Variants in FCHSD2 observed in about 807,000 individuals in gnomAD.
FCHSD2 encodes F-BAR and double SH3 domains protein 2.
Under a neutral mutation model 108.1 loss-of-function variants are expected in FCHSD2, and 38 were observed. The observed-to-expected ratio is 0.35, with a 90% CI of 0.27 to 0.46. The LOEUF is 0.46. Among genes scored for constraint, FCHSD2 ranks in the 20% least tolerant of loss-of-function variants. The pLI, the probability that FCHSD2 is intolerant of heterozygous loss-of-function variation, is 1.00. For synonymous variants in FCHSD2, 279 were observed against 314.7 expected (o/e 0.89, Z 1.20); for missense variants, 751 against 897.8 (o/e 0.84, Z 2.09).
chr11:72,978,584 G>A (rs966569011), intron 8 of FCHSD2, among the ~76,000 whole-genome samples: 1 of 152,130 alleles, frequency 6.6e-6, no homozygotes, highest in African/African-American at 2.4e-5. Context: ...CATATATCGG[G>A]GGAGGGTCCC....
intron 19 of FCHSD2, among the ~76,000 whole-genome samples, chr11:72,839,338 T>C (rs574642742): frequency 5.9e-5 from 9 of 152,326 alleles, no homozygotes; most frequent in Admixed American, 5.2e-4. Flanking sequence ...CTTTATTCTG[T>C]AGGCAAAAGA....
At chr11:73,003,918 C>A (rs1381239182) in intron 4 of FCHSD2, among the ~76,000 whole-genome samples, 1 of 151,146 alleles carries the variant, frequency 6.6e-6, no homozygotes, top group Non-Finnish European at 1.5e-5. Context: ...ACCAGCCTGG[C>A]CAACACGGTG....
chr11:72,849,970 T>C (rs1861238762), intron 13 of FCHSD2, 81 bp from the exon 14 acceptor site: 1 of 1,118,706 alleles, frequency 8.9e-7, no homozygotes, highest in African/African-American at 1.6e-5. Context: ...TAAAACCTGA[T>C]TGTTTCAAAA....
intron 8 of FCHSD2, among the ~76,000 whole-genome samples, chr11:72,953,512 T>C (rs1373747721): frequency 6.6e-6 from 1 of 152,146 alleles, no homozygotes; most frequent in Non-Finnish European, 1.5e-5. Flanking sequence ...CCTAAATCAA[T>C]TTCAACCACA....
At chr11:72,962,201 A>G (rs1856829721) in intron 8 of FCHSD2, among the ~76,000 whole-genome samples, 1 of 152,208 alleles carries the variant, frequency 6.6e-6, no homozygotes, top group Non-Finnish European at 1.5e-5. Context: ...AGTTATTTTT[A>G]TAATACTAAG....
At position 72,842,785 on chromosome 11, in the gene FCHSD2, A is replaced by C; in HGVS notation, c.1762T>G (p.Phe588Val). 6.2e-7 allele frequency: 1 copy of C among 1,614,006 alleles called. No homozygotes were observed. Among genetic ancestry groups the C allele is most frequent in the Non-Finnish European group, 8.5e-7 (1 of 1,179,892 alleles). The change falls in exon 17 of 20, where the codon TTT becomes GTT. Residue 588 changes from phenylalanine (F) to valine (V), a missense_variant. Physicochemically the swap from Phe to Val is conservative, Grantham distance 50 (BLOSUM62 -1). Coordinates refer to ENST00000409418, the MANE Select transcript of FCHSD2 (RefSeq NM_014824.3). Reference protein sequence around the residue: ...YEGQTDDELSFPEGAIIRILN... With the variant: ...YEGQTDDELSVPEGAIIRILN... ...ATACGGATTATTGCTCCCTCAGGAA[A>C]AGATAACTCATCATCTGTCTGGCCC... is the stretch of plus-strand genomic sequence containing the variant.
intron 19 of FCHSD2, 66 bp downstream of exon 19, chr11:72,840,811 A>T: frequency 8.2e-7 from 1 of 1,225,420 alleles, no homozygotes; most frequent in Non-Finnish European, 1.2e-6. Context: ...ACGGGGAAAC[A>T]TTAATTCCTT....
intron 2 of FCHSD2, among the ~76,000 whole-genome samples, chr11:73,109,605 G>C (rs548715335): frequency 6.6e-6 from 1 of 152,210 alleles, no homozygotes; most frequent in Admixed American, 6.5e-5. Context: ...TTTTAGTGGG[G>C]TCTTTATGTT....
chr11:72,968,924 T>C (rs1231479412), intron 8 of FCHSD2, among the ~76,000 whole-genome samples: 1 of 152,246 alleles, frequency 6.6e-6, no homozygotes, highest in African/African-American at 2.4e-5. Flanking sequence ...AACCCAGTTA[T>C]CCTTTCCTTC....
intron 9 of FCHSD2, among the ~76,000 whole-genome samples, chr11:72,906,898 G>T (rs1300132123): frequency 2.0e-5 from 3 of 152,178 alleles, no homozygotes; most frequent in Non-Finnish European, 4.4e-5. Flanking sequence ...GATTGTCTTG[G>T]CTATGCGGGC....
chr11:72,971,354 C>T (rs1857003638), intron 8 of FCHSD2, among the ~76,000 whole-genome samples: 1 of 152,008 alleles, frequency 6.6e-6, no homozygotes, highest in African/African-American at 2.4e-5. Flanking sequence ...GACCCTTGCC[C>T]TTGTATAATC....
intron 2 of FCHSD2, among the ~76,000 whole-genome samples, chr11:73,120,248 G>T (rs942288675): frequency 6.6e-6 from 1 of 152,190 alleles, no homozygotes; most frequent in Non-Finnish European, 1.5e-5. Context: ...TTACATCCTT[G>T]TATATTTATT....
rs368859921 is a variant in FCHSD2, at chr11:72,968,299, T to C, written c.705+15789A>G. Among the ~76,000 whole-genome samples the C allele has an allele frequency of 1.9e-4, 29 of 152,198 alleles. 5 individuals carry two copies. Among genetic ancestry groups the C allele is most frequent in the Admixed American group, 1.5e-3 (23 of 15,278 alleles). On this transcript the variant is annotated intron_variant, in intron 8 of 19. Transcript: ENST00000409418. ...GTACTCTGTCCTTAAGACTGATAGATCTTTGCCTTTTAATTTGAAACTATA... is the reference window on the plus strand; with the variant it reads ...GTACTCTGTCCTTAAGACTGATAGACCTTTGCCTTTTAATTTGAAACTATA...
intron 2 of FCHSD2, among the ~76,000 whole-genome samples, chr11:73,134,461 C>A (rs1272593586): frequency 6.6e-6 from 1 of 151,902 alleles, no homozygotes; most frequent in Non-Finnish European, 1.5e-5. Flanking sequence ...CAGGGCGAGA[C>A]CCTGTCTCAA....
chr11:72,900,530 A>T (rs1332572092), intron 10 of FCHSD2, among the ~76,000 whole-genome samples: 1 of 152,218 alleles, frequency 6.6e-6, no homozygotes, highest in Non-Finnish European at 1.5e-5. Context: ...ATAAAATAAC[A>T]TCAAATTAGT....
chr11:73,055,133 G>A (rs1332480779), intron 3 of FCHSD2, among the ~76,000 whole-genome samples: 1 of 152,224 alleles, frequency 6.6e-6, no homozygotes, highest in East Asian at 1.9e-4. Context: ...AAAACCATCA[G>A]ATCTCGAAAG....
At chr11:73,063,577 TA>T (rs1294451176) in intron 3 of FCHSD2, among the ~76,000 whole-genome samples, 1 of 151,326 alleles carries the variant, frequency 6.6e-6, no homozygotes, top group Non-Finnish European at 1.5e-5. Context: ...AGGTTCAAAA[TA>T]AAGGGATGGA....
chr11:73,001,168 A>G lies in FCHSD2; in HGVS notation c.243-34T>C, dbSNP rs762981468. 9.4e-6 allele frequency: 15 copies of G among 1,603,898 alleles called. No homozygotes were observed. The African/African-American group carries it at 1.3e-4, about 14-fold the overall frequency. ...AAAGAGGGATAGAAAAGCATTAGGC[A>G]GGGAACAGGAAGAAAAAGTTGGCTA... On this transcript the variant is annotated intron_variant, in intron 4 of 19. Coordinates refer to ENST00000409418, the MANE Select transcript of FCHSD2 (RefSeq NM_014824.3).
intron 8 of FCHSD2, among the ~76,000 whole-genome samples, chr11:72,955,243 T>C (rs1388566345): frequency 6.6e-6 from 1 of 152,240 alleles, no homozygotes; most frequent in East Asian, 1.9e-4. Flanking sequence ...TAGTTTGCTA[T>C]AGTGGGTCAC....
Sources: gnomAD v4.1 joint callset for allele counts (sites outside exome capture counted in the v4.1 genomes callset) on GRCh38, gnomAD v4.1.1 for gene constraint, MANE v1.5 for transcripts, NCBI Gene and HGNC (gene_info 2026-07-23, HGNC 2026-07-21) for gene names.